The following MACROD2 variants were observed in gnomAD, a reference collection of about 807,000 sequenced individuals.
MACROD2 encodes the protein mono-ADP ribosylhydrolase 2, also known as ADP-ribose glycohydrolase MACROD2.
A neutral mutation model predicts 70.4 loss-of-function variants in MACROD2; 36 were observed. That is an observed-to-expected ratio of 0.51 (90% CI 0.39 to 0.68). MACROD2 has a LOEUF of 0.68. Ranked by LOEUF, MACROD2 falls within the 30% of genes least tolerant of loss-of-function variation. MACROD2 has a pLI of 0.00. For missense variants in MACROD2, 496 were observed against 538.4 expected, an observed-to-expected ratio of 0.92 and a Z score of 0.78; for synonymous variants, 172 against 178.8, an observed-to-expected ratio of 0.96 and a Z score of 0.30.
rs987811416 is a variant in MACROD2 at position 14,742,577 on chromosome 20, CT to C, written c.418+57629del. Among the ~76,000 whole-genome samples the C allele has an allele frequency of 6.1e-4, 87 of 142,962 alleles. 1 individual carries two copies. The highest frequency in any genetic ancestry group is 3.6e-3 in the Middle Eastern group (1 of 280). 93.8% of individuals were successfully genotyped at this position (142,962 alleles called of 152,430 possible). A position where few individuals can be genotyped will look rare whatever the true frequency, so the allele number is the denominator to read the frequency against. On this transcript the variant is annotated intron_variant, in intron 5 of 17. Coordinates refer to ENST00000684519, the MANE Select transcript of MACROD2 (RefSeq NM_001351661.2). ...ATTCAGCTGTACTAGTAAAATTTTA[CT>C]TTTTTTTTTTAATAAGGGTTAAAAT...
intron 2 of MACROD2, among the ~76,000 whole-genome samples, chr20:14,050,963 C>G (rs1953089905): frequency 6.6e-6 from 1 of 152,048 alleles, no homozygotes; most frequent in African/African-American, 2.4e-5. Context: ...AAAGACGTAA[C>G]TAAGTACAAT....
intron 5 of MACROD2, among the ~76,000 whole-genome samples, chr20:15,224,960 A>T (rs1178497411): frequency 1.1e-5 from 1 of 88,222 alleles, no homozygotes; most frequent in Non-Finnish European, 2.9e-5. Flanking sequence ...ACTTTGTCTT[A>T]AAAAAAAAAA....
chr20:15,699,993 T>TA (rs1216962875), intron 8 of MACROD2, among the ~76,000 whole-genome samples: 1 of 152,124 alleles, frequency 6.6e-6, no homozygotes, highest in African/African-American at 2.4e-5. Context: ...CAGCTCCAGG[T>TA]AAAGTCAGAA....
At chr20:15,383,071 A>C (rs528528194) in intron 6 of MACROD2, among the ~76,000 whole-genome samples, 63 of 152,334 alleles carry the variant, frequency 4.1e-4, no homozygotes, top group African/African-American at 1.5e-3. Flanking sequence ...ACGAATCTGA[A>C]AATTCCAGAA....
At chr20:15,433,330 A>G (rs1187658179) in intron 7 of MACROD2, among the ~76,000 whole-genome samples, 2 of 151,910 alleles carry the variant, frequency 1.3e-5, no homozygotes, top group Admixed American at 6.6e-5. Context: ...AAGCTCCTCA[A>G]TCTGATAAAC....
chr20:15,544,437 A>C (rs747759307), intron 8 of MACROD2, among the ~76,000 whole-genome samples: 3 of 152,216 alleles, frequency 2.0e-5, no homozygotes, highest in Non-Finnish European at 2.9e-5. Context: ...TAGAATTTTC[A>C]GTGCATGCTC....
At chr20:14,246,594 T>C (rs753399842) in intron 3 of MACROD2, among the ~76,000 whole-genome samples, 1 of 152,150 alleles carries the variant, frequency 6.6e-6, no homozygotes, top group East Asian at 1.9e-4. Flanking sequence ...TTCTAGGTAG[T>C]CTCAACCTTC....
chr20:14,077,384 T>C (rs529367434), intron 2 of MACROD2, among the ~76,000 whole-genome samples: 1 of 152,332 alleles, frequency 6.6e-6, no homozygotes, highest in South Asian at 2.1e-4. Flanking sequence ...TAAGATGATA[T>C]ACTCATAAAA....
intron 3 of MACROD2, among the ~76,000 whole-genome samples, chr20:14,132,675 G>C (rs887427415): frequency 6.6e-6 from 1 of 151,646 alleles, no homozygotes; most frequent in African/African-American, 2.4e-5. Context: ...TTTTACTCTG[G>C]TGCCCAGGCT....
chr20:14,385,114 C>T (rs1195823003), intron 3 of MACROD2, among the ~76,000 whole-genome samples: 2 of 152,048 alleles, frequency 1.3e-5, no homozygotes, highest in Non-Finnish European at 2.9e-5. Context: ...ATTGTAAATG[C>T]ACTCAGCTAA....
chr20:15,461,048 G>T (rs558604795), intron 7 of MACROD2, among the ~76,000 whole-genome samples: 1 of 136,294 alleles, frequency 7.3e-6, no homozygotes, highest in South Asian at 2.3e-4. Context: ...TGCCCTGGCT[G>T]GATTGCAGTG....
chr20:14,410,083 T>C (rs2083733632), intron 3 of MACROD2, among the ~76,000 whole-genome samples: 1 of 152,116 alleles, frequency 6.6e-6, no homozygotes, highest in Non-Finnish European at 1.5e-5. Flanking sequence ...ACCCAGGAGA[T>C]GTCCATCAAT....
intron 5 of MACROD2, among the ~76,000 whole-genome samples, chr20:15,153,156 G>T (rs1481247937): frequency 6.6e-6 from 1 of 151,922 alleles, no homozygotes; most frequent in East Asian, 1.9e-4. Context: ...CAAATTTCAT[G>T]TGTGTCCATG....
chr20:14,333,579 G>T (rs892385807), intron 3 of MACROD2, among the ~76,000 whole-genome samples: 4 of 152,096 alleles, frequency 2.6e-5, no homozygotes, highest in African/African-American at 9.7e-5. Context: ...TTAAAAGTTT[G>T]CCTACTTTTG....
intron 4 of MACROD2, among the ~76,000 whole-genome samples, chr20:14,591,441 AAT>A (rs1981763361): frequency 2.6e-5 from 4 of 152,148 alleles, no homozygotes; most frequent in African/African-American, 9.7e-5. Context: ...GCTCCCTGTA[AAT>A]ATATCTCATA....
intron 8 of MACROD2, among the ~76,000 whole-genome samples, chr20:15,843,745 G>A (rs1168900436): frequency 6.6e-6 from 1 of 152,142 alleles, no homozygotes; most frequent in Non-Finnish European, 1.5e-5. Context: ...AGAGCATTAT[G>A]TGCATGATCA....
chr20:14,978,885 ATATATATATTATATAATATAT>A (rs1405882207), intron 5 of MACROD2, among the ~76,000 whole-genome samples: 38 of 13,190 alleles, frequency 2.9e-3, no homozygotes, highest in African/African-American at 4.3e-3. Flanking sequence ...AATATATAAA[ATATATATATTATATAATATAT>A]TATATATAAT....
intron 7 of MACROD2, among the ~76,000 whole-genome samples, chr20:15,452,610 A>G (rs2046658410): frequency 6.6e-6 from 1 of 152,146 alleles, no homozygotes; most frequent in Non-Finnish European, 1.5e-5. Flanking sequence ...AATCACATCA[A>G]GCAAGAATAA....
At chr20:15,582,429 A>G (rs1410525613) in intron 8 of MACROD2, among the ~76,000 whole-genome samples, 1 of 152,150 alleles carries the variant, frequency 6.6e-6, no homozygotes, top group East Asian at 1.9e-4. Flanking sequence ...AGCTCTTGGC[A>G]TTTTCCTTGA....
Sources: allele counts gnomAD v4.1 joint callset (sites outside exome capture counted in the v4.1 genomes callset), GRCh38; gene constraint gnomAD v4.1.1; transcripts MANE v1.5; gene names NCBI Gene and HGNC (gene_info 2026-07-23, HGNC 2026-07-21).